The following ARHGEF37 variants were observed in gnomAD, a reference collection of about 807,000 sequenced individuals.
The protein encoded by ARHGEF37 is Rho guanine nucleotide exchange factor 37.
In ARHGEF37, 55 loss-of-function variants were observed where a neutral mutation model predicts 71.1. That is an observed-to-expected ratio of 0.77 (90% confidence interval 0.62 to 0.97). The LOEUF is 0.97. Ranked by LOEUF, ARHGEF37 falls within the 50% of genes least tolerant of loss-of-function variation. The probability of loss-of-function intolerance (pLI) is 0.00; values close to 1 mark genes in which losing one functional copy is unlikely to be tolerated. For missense variants in ARHGEF37, 765 were observed against 836.8 expected, an observed-to-expected ratio of 0.91 and a Z score of 1.06; for synonymous variants, 327 against 350.6, an observed-to-expected ratio of 0.93 and a Z score of 0.75.
At position 149,620,492 on chromosome 5, in the gene ARHGEF37, C is replaced by CT. The variant is rs778784193; in HGVS notation, c.1005+31dup. ...GAGTGGAACCTTTCCTTTCTCCTTTCTTTGTTAGGCAGGTGGTAGAGCTTA... is the reference window on the plus strand; with the variant it reads ...GAGTGGAACCTTTCCTTTCTCCTTTCTTTTGTTAGGCAGGTGGTAGAGCTTA... On this transcript the variant is annotated intron_variant, in intron 8 of 12. Transcript: ENST00000333677. 3.3e-6 allele frequency: 5 copies of CT among 1,527,592 alleles called. No homozygotes were observed. In the South Asian group the frequency reaches 5.8e-5, roughly 18 times the overall value. The allele number at this position is 1,527,592 out of a possible 1,614,324, so 94.6% of individuals were successfully genotyped here. A position where few individuals can be genotyped will look rare whatever the true frequency, so the allele number is the denominator to read the frequency against.
intron 1 of ARHGEF37, among the ~76,000 whole-genome samples, chr5:149,572,972 C>G (rs1226050561): frequency 6.6e-6 from 1 of 152,090 alleles, no homozygotes; most frequent in Non-Finnish European, 1.5e-5. Context: ...CTTGGTAGTT[C>G]AAAGGCGTGG....
rs10051449 is a variant in ARHGEF37, at chr5:149,634,150, G to C, written c.*1959G>C. The C allele has an allele frequency of 5.6e-4, 86 of 152,320 alleles. No homozygotes were observed. Among genetic ancestry groups the C allele is most frequent in the African/African-American group, 1.7e-3 (70 of 41,566 alleles). 9.4% of individuals were successfully genotyped at this position (152,320 alleles called of 1,614,324 possible). A position where few individuals can be genotyped will look rare whatever the true frequency, so the allele number is the denominator to read the frequency against. Reference sequence around the variant, plus strand: ...CCCACCCAGAGATTCTGATGAAATTGGTTTAGGGTGTGGCTCGGGCCTCAG... The same window carrying C: ...CCCACCCAGAGATTCTGATGAAATTCGTTTAGGGTGTGGCTCGGGCCTCAG... On this transcript the variant is annotated 3_prime_UTR_variant, in exon 13 of 13. Transcript: ENST00000333677.
chr5:149,624,825 G>T (rs551564893), intron 10 of ARHGEF37, among the ~76,000 whole-genome samples: 1 of 151,386 alleles, frequency 6.6e-6, no homozygotes, highest in African/African-American at 2.4e-5. Flanking sequence ...TATCGCTGTG[G>T]TATTTTTTAT....
Position 149,618,285 on chromosome 5 carries a change from G to A in ARHGEF37, c.768G>A (p.Gln256=). ...CCCGGCTGAGCCAGCTGCTGAAGCA[G>A]GAGGCGGGGCTGATCCCCAGGGTGA... ...KTTRLSQLLK[Q]EAGLIPRTED... Residue 256 remains glutamine, a synonymous_variant, in exon 6 of 13, where the codon CAG becomes CAA. Coordinates refer to ENST00000333677, the MANE Select transcript of ARHGEF37 (RefSeq NM_001001669.3). 5.0e-6 allele frequency: 8 copies of A among 1,614,238 alleles called. No homozygotes were observed. The highest frequency in any genetic ancestry group is 6.8e-6 in the Non-Finnish European group (8 of 1,180,034).
chr5:149,617,257 G>GT (rs1473557235), intron 5 of ARHGEF37, among the ~76,000 whole-genome samples: 1 of 152,130 alleles, frequency 6.6e-6, no homozygotes, highest in Non-Finnish European at 1.5e-5. Flanking sequence ...AAATTGGCTT[G>GT]TATCAGTCAG....
intron 2 of ARHGEF37, among the ~76,000 whole-genome samples, chr5:149,600,745 A>G (rs1304441347): frequency 1.3e-5 from 2 of 151,832 alleles, no homozygotes; most frequent in East Asian, 3.9e-4. Flanking sequence ...GGTTCAAGCA[A>G]TTGTCTACCT....
chr5:149,584,917 C>T (rs984363284), intron 1 of ARHGEF37, among the ~76,000 whole-genome samples: 28 of 152,146 alleles, frequency 1.8e-4, no homozygotes, highest in African/African-American at 6.5e-4. Context: ...CCACCATGCC[C>T]GGCCTTCTTT....
chr5:149,594,221 G>GT (rs970271651), intron 1 of ARHGEF37, among the ~76,000 whole-genome samples: 3 of 152,210 alleles, frequency 2.0e-5, no homozygotes, highest in African/African-American at 7.2e-5. Flanking sequence ...TAATGCTGTT[G>GT]TAAGTCTTTA....
intron 3 of ARHGEF37, among the ~76,000 whole-genome samples, chr5:149,605,755 T>A (rs963973180): frequency 1.3e-5 from 2 of 152,160 alleles, no homozygotes; most frequent in Non-Finnish European, 2.9e-5. Flanking sequence ...ATTAATAACC[T>A]CCATTTTACC....
At chr5:149,556,550 G>A (rs1385648689) in intron 1 of ARHGEF37, among the ~76,000 whole-genome samples, 2 of 152,090 alleles carry the variant, frequency 1.3e-5, no homozygotes, top group Admixed American at 1.3e-4. Flanking sequence ...ACCACACCCA[G>A]CTAATTTTGT....
At chr5:149,592,595 G>A (rs1252880884) in intron 1 of ARHGEF37, among the ~76,000 whole-genome samples, 1 of 152,178 alleles carries the variant, frequency 6.6e-6, no homozygotes, top group East Asian at 1.9e-4. Flanking sequence ...TAAAGCTTCT[G>A]TGAACACTTA....
chr5:149,575,253 C>T (rs567632003), intron 1 of ARHGEF37, among the ~76,000 whole-genome samples: 10 of 152,284 alleles, frequency 6.6e-5, no homozygotes, highest in African/African-American at 2.2e-4. Flanking sequence ...TTTCATTTTC[C>T]TGGTAAGAAA....
In ARHGEF37 at chr5:149,618,250, A is replaced by G. The variant is rs1208382131; in HGVS notation, c.733A>G (p.Lys245Glu). Residue 245 changes from lysine (K) to glutamate (E), a missense_variant, in exon 6 of 13, where the codon AAG becomes GAG. By Grantham distance (56) the Lys-to-Glu change is moderately conservative. Coordinates refer to ENST00000333677, the MANE Select transcript of ARHGEF37 (RefSeq NM_001001669.3). ...CCGCATCAACACACACACCCTCTCC[A>G]AGAAGACCACCCGGCTGAGCCAGCT... ...LARINTHTLSKKTTRLSQLLK... is the reference protein window; with the variant it reads ...LARINTHTLSEKTTRLSQLLK... The G allele has an allele frequency of 2.5e-6, 4 of 1,613,994 alleles. No individual in the cohort carries two copies. The highest frequency in any genetic ancestry group is 8.5e-7 in the Non-Finnish European group (1 of 1,180,008).
In ARHGEF37 at chr5:149,622,054, A is replaced by G; in HGVS notation, c.1327A>G (p.Met443Val). The stretch of plus-strand genomic sequence containing the variant: ...AGTGCTGCAGAGGGCAGAGGGAAGC[A>G]TGGCCCAGGTAAGGCCTCTGAGACT... ...KQVLQRAEGS[M>V]AQLPHHHVPE... is the part of the protein sequence containing the mutation. Residue 443 changes from methionine (M) to valine (V), a missense_variant, in exon 9 of 13, where the codon ATG (methionine) becomes GTG (valine). By Grantham distance (21) the Met-to-Val change is conservative. Transcript: ENST00000333677. 1 of 1,608,960 alleles carries G rather than the reference A, an allele frequency of 6.2e-7. No individual in the cohort carries two copies. Among genetic ancestry groups the G allele is most frequent in the Non-Finnish European group, 8.5e-7 (1 of 1,176,868 alleles).
intron 1 of ARHGEF37, among the ~76,000 whole-genome samples, chr5:149,582,998 A>G (rs1185034105): frequency 6.6e-6 from 1 of 152,222 alleles, no homozygotes; most frequent in African/African-American, 2.4e-5. Flanking sequence ...ATAAGGGTGC[A>G]GCAAGGTACT....
chr5:149,589,990 G>T (rs1044011763), intron 1 of ARHGEF37, among the ~76,000 whole-genome samples: 3 of 152,126 alleles, frequency 2.0e-5, no homozygotes. Context: ...AATTTAAATA[G>T]TTCCTCTGCT....
At chr5:149,600,983 C>G in intron 2 of ARHGEF37, 125 bp from the exon 3 acceptor site, 1 of 1,167,304 alleles carries the variant, frequency 8.6e-7, no homozygotes, top group South Asian at 1.8e-5. Context: ...CAAAATTCCA[C>G]TGGGGCAGCC....
At chr5:149,567,048 A>G (rs1762907479) in intron 1 of ARHGEF37, among the ~76,000 whole-genome samples, 1 of 152,202 alleles carries the variant, frequency 6.6e-6, no homozygotes, top group Admixed American at 6.5e-5. Flanking sequence ...ATAATGATTT[A>G]TATTTTTTAC....
intron 11 of ARHGEF37, among the ~76,000 whole-genome samples, 192 bp from the exon 12 acceptor site, chr5:149,628,617 C>T (rs1478881168): frequency 6.6e-6 from 1 of 152,180 alleles, no homozygotes; most frequent in Non-Finnish European, 1.5e-5. Context: ...AGCCCCCCAT[C>T]ACTGGGGTGT....
Sources: allele counts gnomAD v4.1 joint callset (sites outside exome capture counted in the v4.1 genomes callset), GRCh38; gene constraint gnomAD v4.1.1; transcripts MANE v1.5; gene names NCBI Gene and HGNC (gene_info 2026-07-23, HGNC 2026-07-21).